FNDC7: variants seen among roughly 807,000 people sequenced by gnomAD.
FNDC7 encodes fibronectin type III domain-containing protein 7.
In FNDC7, 66 loss-of-function variants were observed where a neutral mutation model predicts 74.2. The ratio of observed to expected loss-of-function variants is 0.89; its 90% CI spans 0.73 to 1.09. The LOEUF (loss-of-function observed/expected upper bound fraction) is 1.09, where lower values mean the gene tolerates loss of function less well. Among genes scored for constraint, FNDC7 ranks in the 50% least tolerant of loss-of-function variants. The pLI is 0.00. For synonymous variants in FNDC7, 307 were observed against 330.2 expected (o/e 0.93, Z 0.76); for missense variants, 829 against 893.4 (o/e 0.93, Z 0.92).
intron 5 of FNDC7, among the ~76,000 whole-genome samples, chr1:108,724,496 G>C (rs1056863817): frequency 6.6e-6 from 1 of 152,110 alleles, no homozygotes; most frequent in African/African-American, 2.4e-5. Context: ...GCTCATGCCT[G>C]TAATCTCAAC....
At chr1:108,719,773 A>C (rs965888088) in intron 4 of FNDC7, among the ~76,000 whole-genome samples, 151 of 134,998 alleles carry the variant, frequency 1.1e-3, no homozygotes, top group Non-Finnish European at 2.1e-3. Flanking sequence ...AGAGAGAGAG[A>C]GAGAACGAGA....
At chr1:108,737,339 C>T (rs1353641074) in intron 10 of FNDC7, among the ~76,000 whole-genome samples, 156 bp from the exon 11 acceptor site, 1 of 152,134 alleles carries the variant, frequency 6.6e-6, no homozygotes, top group East Asian at 1.9e-4. Flanking sequence ...TTGCCCAGGT[C>T]ATACTGCTAG....
In FNDC7 at chr1:108,718,997, A is replaced by C; in HGVS notation, c.546A>C (p.Ala182=). The change falls in exon 4 of 13, where the codon GCA becomes GCC. Residue 182 remains alanine (A), a synonymous_variant. Coordinates refer to ENST00000370017, the MANE Select transcript of FNDC7 (RefSeq NM_001144937.3). ...AGTLYTIKAY[A]WNANRIPGDD... ...CTCTCTACACCATAAAGGCCTATGC[A>C]TGGAATGCCAACAGAATCCCTGGGG... is the stretch of plus-strand genomic sequence containing the variant. 6.4e-7 allele frequency: 1 copy of C among 1,552,186 alleles called. No homozygotes were observed. The highest frequency in any genetic ancestry group is 8.7e-7 in the Non-Finnish European group (1 of 1,147,102).
At chr1:108,727,704 A>T (rs1185621146) in intron 6 of FNDC7, 104 bp from the exon 7 acceptor site, 1 of 1,378,264 alleles carries the variant, frequency 7.3e-7, no homozygotes, top group Admixed American at 1.8e-5. Context: ...GTCATCAGGG[A>T]GGGCAGTGGC....
chr1:108,724,158 G>A (rs1035489421), intron 5 of FNDC7, among the ~76,000 whole-genome samples: 2 of 152,138 alleles, frequency 1.3e-5, no homozygotes, highest in Non-Finnish European at 2.9e-5. Context: ...AGAAGATTTT[G>A]TTCCATCAAT....
At chr1:108,725,102 A>T (rs1661180443) in intron 5 of FNDC7, among the ~76,000 whole-genome samples, 1 of 151,968 alleles carries the variant, frequency 6.6e-6, no homozygotes, top group Non-Finnish European at 1.5e-5. Context: ...TAAATAAAAT[A>T]AAAAATAAAT....
Position 108,727,956 on chromosome 1 carries a change from G to A in FNDC7, c.1260G>A (p.Ala420=), listed in dbSNP as rs151239518. 200 of 1,614,120 alleles carry A rather than the reference G, an allele frequency of 1.2e-4. No homozygotes were observed. Among genetic ancestry groups the A allele is most frequent in the East Asian group, 5.6e-4 (25 of 44,882 alleles). The change falls in exon 7 of 13, where the codon GCG becomes GCA. Residue 420 remains alanine (A), a synonymous_variant. Transcript: ENST00000370017. Reference sequence around the variant, plus strand: ...TTGAGTGCAATGACACTACTCCTGCGTGCACCCTTTCGGCTCTAGAGTGTG... The same window carrying A: ...TTGAGTGCAATGACACTACTCCTGCATGCACCCTTTCGGCTCTAGAGTGTG... The part of the protein sequence containing the change: ...NMVECNDTTP[A]CTLSALECDT...
Position 108,725,757 on chromosome 1 carries a change from T to C in FNDC7, c.864T>C (p.Cys288=), listed in dbSNP as rs557401228. Residue 288 remains cysteine, a synonymous_variant, in exon 6 of 13, where the codon TGT becomes TGC. Transcript: ENST00000370017. The part of the protein sequence containing the change: ...SSAMTLKTVA[C]APGRVTIQED... Reference sequence around the variant, plus strand: ...TTATTGATCATTTCCTAGTTGCTTGTGCACCCGGAAGAGTGACGATCCAAG... The same window carrying C: ...TTATTGATCATTTCCTAGTTGCTTGCGCACCCGGAAGAGTGACGATCCAAG... The C allele has an allele frequency of 6.3e-5, 102 of 1,613,668 alleles. No individual in the cohort carries two copies. In the East Asian group the frequency reaches 1.6e-3, roughly 26 times the overall value.
At chr1:108,722,657 AC>A in intron 5 of FNDC7, 65 bp downstream of exon 5, 1 of 1,493,304 alleles carries the variant, frequency 6.7e-7, no homozygotes, top group Non-Finnish European at 9.0e-7. Flanking sequence ...GGAGACGTTC[AC>A]TGACAATGTT....
At chr1:108,735,854 A>T (rs1047367842) in intron 10 of FNDC7, among the ~76,000 whole-genome samples, 6 of 152,000 alleles carry the variant, frequency 3.9e-5, no homozygotes, top group African/African-American at 1.4e-4. Context: ...CATCCAGGCT[A>T]GAGTTCAGTG....
Position 108,741,972 on chromosome 1 carries a change from T to C in FNDC7, c.*85T>C. 1 of 708,422 alleles carries C rather than the reference T, an allele frequency of 1.4e-6. No homozygotes were observed. 43.9% of individuals were successfully genotyped at this position (708,422 alleles called of 1,614,324 possible). A position where few individuals can be genotyped will look rare whatever the true frequency, so the allele number is the denominator to read the frequency against. On this transcript the variant is annotated 3_prime_UTR_variant, in exon 13 of 13. Transcript: ENST00000370017. ...TAGAGATGGAAAAGATCTACTAGAA[T>C]GTAGAATAAAAATGCCTCTAGGATA...
intron 10 of FNDC7, among the ~76,000 whole-genome samples, chr1:108,736,647 TGTGA>T (rs1287441516): frequency 6.6e-6 from 1 of 152,188 alleles, no homozygotes; most frequent in Non-Finnish European, 1.5e-5. Flanking sequence ...CAGAAGTCCT[TGTGA>T]GTTAGAACTC....
chr1:108,713,267 G>C (rs944516499), intron 1 of FNDC7, among the ~76,000 whole-genome samples: 3 of 151,946 alleles, frequency 2.0e-5, no homozygotes, highest in South Asian at 2.1e-4. Context: ...AGATTCAAAG[G>C]GGAAAAAAAT....
In FNDC7 at chr1:108,732,647, G is replaced by C. The variant is rs544944033; in HGVS notation, c.1880-625G>C. ...GACCTTTCTGACTCACCATTGTTCT[G>C]TATTAAAAATTCATACTGCACACCA... is the stretch of plus-strand genomic sequence containing the variant. On this transcript the variant is annotated intron_variant, in intron 9 of 12. Transcript: ENST00000370017. 4.6e-5 allele frequency among the ~76,000 whole-genome samples: 7 copies of C among 152,226 alleles called. No homozygotes were observed. In the South Asian group the frequency reaches 1.5e-3, roughly 32 times the overall value.
intron 11 of FNDC7, among the ~76,000 whole-genome samples, chr1:108,739,773 T>A (rs139998395): frequency 4.6e-5 from 7 of 152,328 alleles, no homozygotes; most frequent in Non-Finnish European, 1.0e-4. Flanking sequence ...AGATCACTAA[T>A]GTCCTCTTTT....
At position 108,730,689 on chromosome 1, in the gene FNDC7, C is replaced by A; in HGVS notation, c.1640C>A (p.Thr547Asn). Residue 547 changes from threonine to asparagine, a missense_variant, in exon 9 of 13, where the codon ACC becomes AAC. Transcript: ENST00000370017. ...VPLETVPCCP[T>N]GLTVTQITQS... ...CCCATTTAAGTGCCATGCTGTCCAA[C>A]CGGTCTGACAGTAACTCAAATCACC... The A allele has an allele frequency of 6.3e-7, 1 of 1,578,130 alleles. No individual in the cohort carries two copies. Among genetic ancestry groups the A allele is most frequent in the Non-Finnish European group, 8.6e-7 (1 of 1,158,434 alleles).
chr1:108,731,286 T>A (rs1488670244), intron 9 of FNDC7, among the ~76,000 whole-genome samples: 3 of 152,226 alleles, frequency 2.0e-5, no homozygotes, highest in Non-Finnish European at 4.4e-5. Context: ...TTTCTTCTCA[T>A]TATTATTGTG....
At chr1:108,719,317 C>T (rs1487001453) in intron 4 of FNDC7, among the ~76,000 whole-genome samples, 4 of 152,198 alleles carry the variant, frequency 2.6e-5, no homozygotes, top group Non-Finnish European at 5.9e-5. Flanking sequence ...CATTCACATT[C>T]GACCTCACAC....
chr1:108,734,189 G>A (rs1332403101), intron 10 of FNDC7: 1 of 152,188 alleles, frequency 6.6e-6, no homozygotes, highest in Non-Finnish European at 1.5e-5. Context: ...TAGACATCCT[G>A]GGATGTTGGA....
Sources: allele counts gnomAD v4.1 joint callset (sites outside exome capture counted in the v4.1 genomes callset), GRCh38; gene constraint gnomAD v4.1.1; transcripts MANE v1.5; gene names NCBI Gene and HGNC (gene_info 2026-07-23, HGNC 2026-07-21).